Variants in ST6GALNAC3 observed in about 807,000 individuals in gnomAD.
ST6GALNAC3 encodes ST6 N-acetylgalactosaminide alpha-2,6-sialyltransferase 3.
In ST6GALNAC3, 25 loss-of-function variants were observed where a neutral mutation model predicts 32.7. The observed-to-expected ratio is 0.76, with a 90% CI of 0.56 to 1.07. The LOEUF (loss-of-function observed/expected upper bound fraction) is 1.07. Ranked by LOEUF, ST6GALNAC3 falls within the 50% of genes least tolerant of loss-of-function variation. ST6GALNAC3 has a pLI of 0.00. For synonymous variants in ST6GALNAC3, 129 were observed against 133.1 expected (o/e 0.97, Z 0.21); for missense variants, 355 against 382.4 (o/e 0.93, Z 0.60).
intron 3 of ST6GALNAC3, among the ~76,000 whole-genome samples, chr1:76,460,428 A>G (rs1357691834): frequency 2.6e-5 from 4 of 152,206 alleles, no homozygotes; most frequent in Non-Finnish European, 5.9e-5. Flanking sequence ...TCTCAAGGAT[A>G]AATTTTGCTA....
intron 2 of ST6GALNAC3, among the ~76,000 whole-genome samples, chr1:76,393,788 G>A (rs1245568121): frequency 6.6e-6 from 1 of 152,050 alleles, no homozygotes; most frequent in Non-Finnish European, 1.5e-5. Flanking sequence ...AACCTCTACT[G>A]GCTCCCAAGA....
intron 1 of ST6GALNAC3, among the ~76,000 whole-genome samples, chr1:76,233,061 G>A (rs1208888786): frequency 6.6e-6 from 1 of 152,086 alleles, no homozygotes; most frequent in Non-Finnish European, 1.5e-5. Flanking sequence ...GTCTCTAAAG[G>A]GACTGGAAGA....
chr1:76,257,386 A>T (rs1316029167), intron 1 of ST6GALNAC3, among the ~76,000 whole-genome samples: 6 of 152,224 alleles, frequency 3.9e-5, no homozygotes, highest in African/African-American at 1.2e-4. Flanking sequence ...ATTTGAGGTG[A>T]CTTGTTAAAT....
chr1:76,618,893 A>C (rs575228401), intron 3 of ST6GALNAC3, among the ~76,000 whole-genome samples: 1 of 152,220 alleles, frequency 6.6e-6, no homozygotes, highest in Non-Finnish European at 1.5e-5. Flanking sequence ...AGTTAATTGC[A>C]TCCACAGGCA....
intron 3 of ST6GALNAC3, among the ~76,000 whole-genome samples, chr1:76,474,415 G>A (rs1210642928): frequency 2.0e-5 from 3 of 152,046 alleles, no homozygotes; most frequent in African/African-American, 7.2e-5. Context: ...GGACAAAGGA[G>A]AAAGAGAAAT....
At chr1:76,501,417 C>CAAA (rs1282057268) in intron 3 of ST6GALNAC3, among the ~76,000 whole-genome samples, 1 of 152,200 alleles carries the variant, frequency 6.6e-6, no homozygotes, top group Admixed American at 6.5e-5. Context: ...CAAAAACAAA[C>CAAA]ACCAGGGACA....
intron 2 of ST6GALNAC3, among the ~76,000 whole-genome samples, chr1:76,333,509 C>A (rs1339152934): frequency 6.6e-6 from 1 of 152,126 alleles, no homozygotes; most frequent in Non-Finnish European, 1.5e-5. Flanking sequence ...TTCTGTAAAT[C>A]AGTTCAAATG....
chr1:76,400,846 G>A (rs1653358475), intron 2 of ST6GALNAC3, among the ~76,000 whole-genome samples: 1 of 151,390 alleles, frequency 6.6e-6, no homozygotes, highest in African/African-American at 2.4e-5. Flanking sequence ...AGTGAGCTGA[G>A]ATCGCACCAC....
chr1:76,393,467 A>C (rs2101165873), intron 2 of ST6GALNAC3, among the ~76,000 whole-genome samples: 1 of 152,250 alleles, frequency 6.6e-6, no homozygotes, highest in Non-Finnish European at 1.5e-5. Flanking sequence ...TAGAAGCCTT[A>C]GTTCTGTGTA....
At chr1:76,535,293 G>C (rs315078) in intron 3 of ST6GALNAC3, among the ~76,000 whole-genome samples, 22,683 of 152,038 alleles carry the variant, frequency 0.15, 2,361 homozygotes, top group African/African-American at 0.29. Context: ...TAGCCTTTAT[G>C]ATAATATTTT....
At chr1:76,189,863 G>C (rs775945980) in intron 1 of ST6GALNAC3, among the ~76,000 whole-genome samples, 9 of 152,144 alleles carry the variant, frequency 5.9e-5, no homozygotes, top group Non-Finnish European at 1.0e-4. Context: ...AGGCATGAAA[G>C]AATCTCTGAG....
intron 3 of ST6GALNAC3, among the ~76,000 whole-genome samples, chr1:76,449,925 T>G (rs910291740): frequency 1.3e-5 from 2 of 152,212 alleles, no homozygotes; most frequent in Non-Finnish European, 2.9e-5. Flanking sequence ...ACCCAAACAG[T>G]GTACACTGAA....
In ST6GALNAC3 at chr1:76,382,292, G is replaced by C. The variant is rs558960616; in HGVS notation, c.214-29716G>C. On this transcript the variant is annotated intron_variant, in intron 2 of 4. Transcript: ENST00000328299. ...ATTTCTTAGTGAAAACAAATAAACT[G>C]TAGGTTATTGATATATTGGGATTAT... Among the ~76,000 whole-genome samples the C allele has an allele frequency of 2.2e-3, 341 of 152,230 alleles. 1 individual carries two copies. The highest frequency in any genetic ancestry group is 3.7e-3 in the Non-Finnish European group (251 of 68,020).
chr1:76,147,064 CT>C (rs35731973), intron 1 of ST6GALNAC3, among the ~76,000 whole-genome samples: 17,652 of 136,134 alleles, frequency 0.13, 872 homozygotes, highest in Non-Finnish European at 0.16. Context: ...CCCCCCACTT[CT>C]TTTTTTTTTT....
intron 3 of ST6GALNAC3, among the ~76,000 whole-genome samples, chr1:76,495,863 GGA>G (rs769378618): frequency 2.0e-4 from 31 of 152,114 alleles, no homozygotes; most frequent in Non-Finnish European, 3.8e-4. Context: ...TGTTACTTGA[GGA>G]ATCTTCTGTT....
chr1:76,409,573 G>A (rs909979956), intron 2 of ST6GALNAC3, among the ~76,000 whole-genome samples: 1 of 152,044 alleles, frequency 6.6e-6, no homozygotes, highest in Non-Finnish European at 1.5e-5. Context: ...ATGCCCAGCA[G>A]TAGGCAAATC....
intron 2 of ST6GALNAC3, among the ~76,000 whole-genome samples, chr1:76,397,751 T>C (rs1052698509): frequency 1.3e-5 from 2 of 152,222 alleles, no homozygotes; most frequent in Non-Finnish European, 2.9e-5. Context: ...TCGTTGCTAT[T>C]GCATGTTAGA....
chr1:76,127,519 ATTCT>A (rs1461341963), intron 1 of ST6GALNAC3, among the ~76,000 whole-genome samples: 2 of 152,184 alleles, frequency 1.3e-5, no homozygotes, highest in African/African-American at 4.8e-5. Flanking sequence ...GACTTGTCTA[ATTCT>A]TCTATTTTAC....
intron 1 of ST6GALNAC3, among the ~76,000 whole-genome samples, chr1:76,162,013 T>C (rs577095334): frequency 2.6e-5 from 4 of 152,294 alleles, no homozygotes; most frequent in Admixed American, 2.0e-4. Context: ...GGCACTCAAA[T>C]TGGGGACAGG....
Sources: gnomAD v4.1 joint callset for allele counts (sites outside exome capture counted in the v4.1 genomes callset) on GRCh38, gnomAD v4.1.1 for gene constraint, MANE v1.5 for transcripts, NCBI Gene and HGNC (gene_info 2026-07-23, HGNC 2026-07-21) for gene names.